Variants in IL1RAP observed in about 807,000 individuals in gnomAD.
The protein encoded by IL1RAP is interleukin-1 receptor accessory protein.
In IL1RAP, 35 loss-of-function variants were observed where a neutral mutation model predicts 60.7. The ratio of observed to expected loss-of-function variants is 0.58; its 90% CI spans 0.44 to 0.76. The LOEUF (loss-of-function observed/expected upper bound fraction) is 0.76. IL1RAP is among the 30% of genes least tolerant of loss of function. The pLI, the probability that IL1RAP is intolerant of heterozygous loss-of-function variation, is 0.00. For missense variants in IL1RAP, 572 were observed against 693.9 expected, an observed-to-expected ratio of 0.82 and a Z score of 1.97; for synonymous variants, 268 against 250.9, an observed-to-expected ratio of 1.07 and a Z score of -0.64.
chr3:190,590,905 A>G (rs1259702530), intron 3 of IL1RAP, among the ~76,000 whole-genome samples: 2 of 152,224 alleles, frequency 1.3e-5, no homozygotes, highest in African/African-American at 4.8e-5. Flanking sequence ...AGAACACAGA[A>G]TTTGGATTGG....
intron 9 of IL1RAP, among the ~76,000 whole-genome samples, chr3:190,637,387 A>G (rs1733308356): frequency 6.6e-6 from 1 of 152,148 alleles, no homozygotes; most frequent in Non-Finnish European, 1.5e-5. Context: ...TTTCAAATAT[A>G]TGGAAGATTT....
intron 1 of IL1RAP, among the ~76,000 whole-genome samples, chr3:190,516,028 T>C (rs1429959767): frequency 2.0e-5 from 3 of 152,230 alleles, no homozygotes; most frequent in Admixed American, 2.0e-4. Context: ...ATTGATTTTA[T>C]TCTGATGAAC....
chr3:190,644,988 G>A (rs1733914271), intron 10 of IL1RAP, among the ~76,000 whole-genome samples: 3 of 152,152 alleles, frequency 2.0e-5, no homozygotes, highest in Admixed American at 2.0e-4. Flanking sequence ...TAGCTTATTA[G>A]AAGAAGAATC....
At chr3:190,594,551 A>G (rs746135390) in intron 3 of IL1RAP, among the ~76,000 whole-genome samples, 97 of 152,204 alleles carry the variant, frequency 6.4e-4, no homozygotes, top group Non-Finnish European at 1.0e-3. Context: ...GGGATCTACC[A>G]TATGACAAAT....
chr3:190,626,339 G>A (rs11927365), intron 7 of IL1RAP, among the ~76,000 whole-genome samples: 136,108 of 152,258 alleles, frequency 0.89, 60,988 homozygotes, highest in East Asian at 1. Flanking sequence ...CTTGTACAAA[G>A]TTCTTAGTAA....
chr3:190,598,211 G>A (rs1057191523), intron 3 of IL1RAP, among the ~76,000 whole-genome samples: 4 of 152,140 alleles, frequency 2.6e-5, no homozygotes, highest in African/African-American at 9.7e-5. Context: ...TGCAAAACAC[G>A]TGAAGAATAT....
intron 5 of IL1RAP, among the ~76,000 whole-genome samples, chr3:190,610,474 C>A (rs1730727336): frequency 2.0e-5 from 3 of 150,820 alleles, no homozygotes; most frequent in South Asian, 2.1e-4. Flanking sequence ...ATAGATAATA[C>A]CTTAAGATTA....
intron 2 of IL1RAP, among the ~76,000 whole-genome samples, chr3:190,557,304 A>G (rs548419227): frequency 6.6e-6 from 1 of 152,310 alleles, no homozygotes; most frequent in Admixed American, 6.5e-5. Context: ...GGACTTCATG[A>G]TGGTATTTCT....
intron 3 of IL1RAP, among the ~76,000 whole-genome samples, chr3:190,565,000 T>C (rs1266204627): frequency 1.3e-5 from 2 of 152,102 alleles, no homozygotes; most frequent in Non-Finnish European, 2.9e-5. Context: ...CCAGAATCAC[T>C]CTCTATCTCT....
At chr3:190,559,856 G>A (rs956638494) in intron 2 of IL1RAP, among the ~76,000 whole-genome samples, 6 of 152,164 alleles carry the variant, frequency 3.9e-5, no homozygotes, top group African/African-American at 1.4e-4. Flanking sequence ...TCCTCAAACA[G>A]TTGTTCCATC....
At chr3:190,524,821 A>G (rs1270330716) in intron 1 of IL1RAP, among the ~76,000 whole-genome samples, 1 of 152,208 alleles carries the variant, frequency 6.6e-6, no homozygotes, top group Non-Finnish European at 1.5e-5. Context: ...ACAGTAAATT[A>G]TACATGTAAT....
downstream of IL1RAP, among the ~76,000 whole-genome samples, chr3:190,653,327 T>A (rs1323448207): frequency 6.6e-6 from 1 of 152,226 alleles, no homozygotes; most frequent in Non-Finnish European, 1.5e-5. Context: ...CATGTAGGCA[T>A]CTAATTTGTT....
At chr3:190,580,380 T>C (rs890838247) in intron 3 of IL1RAP, among the ~76,000 whole-genome samples, 6 of 152,194 alleles carry the variant, frequency 3.9e-5, no homozygotes, top group African/African-American at 1.4e-4. Flanking sequence ...GAAATGCTAC[T>C]CTCATTTTTA....
chr3:190,621,009 G>A (rs959855328), intron 6 of IL1RAP, among the ~76,000 whole-genome samples: 1 of 152,172 alleles, frequency 6.6e-6, no homozygotes, highest in African/African-American at 2.4e-5. Flanking sequence ...AACTAGGAAA[G>A]TGGGAAAGGC....
chr3:190,658,281 TA>T (rs780976320), exon 12 of IL1RAP: 1 of 152,204 alleles, frequency 6.6e-6, no homozygotes, highest in Non-Finnish European at 1.5e-5. Flanking sequence ...AACTAGTTTG[TA>T]ATTTCATAAC....
intron 3 of IL1RAP, 39 bp from the exon 4 acceptor site, chr3:190,604,089 G>T: frequency 1.3e-6 from 2 of 1,586,330 alleles, no homozygotes; most frequent in South Asian, 1.1e-5. Flanking sequence ...GTTGTAAAAT[G>T]ACTCATCTGC....
At position 190,604,291 on chromosome 3, in the gene IL1RAP, C is replaced by T; in HGVS notation, c.228C>T (p.Asp76=). Residue 76 remains aspartate, a synonymous_variant, in exon 4 of 12, where the codon GAC becomes GAT. Transcript: ENST00000447382. Reference sequence around the variant, plus strand: ...TGATCTGGTATTGGACTAGGCAGGACCGGGACCTTGAGGAGCCAATTAACT... The same window carrying T: ...TGATCTGGTATTGGACTAGGCAGGATCGGGACCTTGAGGAGCCAATTAACT... ...LTLIWYWTRQ[D]RDLEEPINFR... is the part of the protein sequence containing the mutation. 6.2e-7 allele frequency: 1 copy of T among 1,613,944 alleles called. No homozygotes were observed. The highest frequency in any genetic ancestry group is 8.5e-7 in the Non-Finnish European group (1 of 1,179,972).
intron 1 of IL1RAP, among the ~76,000 whole-genome samples, chr3:190,549,647 T>C (rs1269863121): frequency 6.6e-6 from 1 of 152,236 alleles, no homozygotes; most frequent in Non-Finnish European, 1.5e-5. Context: ...GCCAAAAGCC[T>C]GATTGGTAAA....
intron 11 of IL1RAP, 74 bp from the exon 12 acceptor site, chr3:190,648,264 T>G: frequency 6.6e-7 from 1 of 1,516,060 alleles, no homozygotes; most frequent in Non-Finnish European, 8.8e-7. Context: ...GTTCCCTACA[T>G]TTGCTCCTCA....
Sources: allele counts gnomAD v4.1 joint callset (sites outside exome capture counted in the v4.1 genomes callset), GRCh38; gene constraint gnomAD v4.1.1; transcripts MANE v1.5; gene names NCBI Gene and HGNC (gene_info 2026-07-23, HGNC 2026-07-21).